LRRIQ1: variants seen among roughly 807,000 people sequenced by gnomAD.
LRRIQ1 encodes the protein leucine rich repeats and IQ motif containing 1.
LRRIQ1 carries 210 observed loss-of-function variants against 211.9 expected under a neutral mutation model. That is an observed-to-expected ratio of 0.99 (90% confidence interval 0.89 to 1.11). The LOEUF (loss-of-function observed/expected upper bound fraction) is 1.11. Ranked by LOEUF, LRRIQ1 falls within the 50% of genes most tolerant of loss-of-function variation. The probability of loss-of-function intolerance (pLI) is 0.00; values close to 1 mark genes in which losing one functional copy is unlikely to be tolerated. For synonymous variants in LRRIQ1, 699 were observed against 650.1 expected, an observed-to-expected ratio of 1.08 and a Z score of -1.14; for missense variants, 2,136 against 1,939.5, an observed-to-expected ratio of 1.10 and a Z score of -1.90.
chr12:85,139,466 G>T (rs1471952206), intron 19 of LRRIQ1, among the ~76,000 whole-genome samples: 1 of 151,422 alleles, frequency 6.6e-6, no homozygotes, highest in East Asian at 1.9e-4. Flanking sequence ...ACTGCAAGAG[G>T]TAAATATAGT....
At chr12:85,187,275 G>A (rs898316640) in intron 24 of LRRIQ1, among the ~76,000 whole-genome samples, 1 of 151,966 alleles carries the variant, frequency 6.6e-6, no homozygotes. Flanking sequence ...AAGATAATGT[G>A]GAATCATTTG....
intron 12 of LRRIQ1, 65 bp downstream of exon 12, chr12:85,098,613 A>G: frequency 1.5e-6 from 2 of 1,342,092 alleles, no homozygotes; most frequent in Admixed American, 2.2e-5. Context: ...AGAAATACCA[A>G]TCACATATTA....
intron 24 of LRRIQ1, among the ~76,000 whole-genome samples, chr12:85,226,863 C>T (rs968116534): frequency 6.6e-6 from 1 of 151,946 alleles, no homozygotes; most frequent in Middle Eastern, 3.4e-3. Flanking sequence ...TGAACTCATC[C>T]TTTTTTATGG....
chr12:85,232,253 CTAGTTT>C (rs1894978855), intron 25 of LRRIQ1, among the ~76,000 whole-genome samples: 1 of 151,870 alleles, frequency 6.6e-6, no homozygotes, highest in Non-Finnish European at 1.5e-5. Flanking sequence ...TATCATTGTT[CTAGTTT>C]TAAACAGAAT....
At chr12:85,143,117 CAT>C (rs1339413734) in intron 19 of LRRIQ1, among the ~76,000 whole-genome samples, 1 of 151,608 alleles carries the variant, frequency 6.6e-6, no homozygotes, top group African/African-American at 2.4e-5. Flanking sequence ...CTTACCAGCA[CAT>C]GTTATCTTTT....
chr12:85,198,031 AAC>A (rs1262396389), intron 24 of LRRIQ1, among the ~76,000 whole-genome samples: 2 of 73,110 alleles, frequency 2.7e-5, no homozygotes, highest in Non-Finnish European at 4.3e-5. Context: ...TATTATATAT[AAC>A]ATATATAATA....
At chr12:85,121,300 C>T (rs1328504987) in intron 15 of LRRIQ1, among the ~76,000 whole-genome samples, 1 of 152,028 alleles carries the variant, frequency 6.6e-6, no homozygotes, top group African/African-American at 2.4e-5. Flanking sequence ...CAGAATATAC[C>T]TCTATTTCTG....
chr12:85,148,038 C>T (rs1232088139), intron 19 of LRRIQ1, among the ~76,000 whole-genome samples: 1 of 151,746 alleles, frequency 6.6e-6, no homozygotes, highest in African/African-American at 2.4e-5. Flanking sequence ...ACAAATCTAT[C>T]CAAGTTCAAC....
intron 24 of LRRIQ1, among the ~76,000 whole-genome samples, chr12:85,222,203 G>A (rs1161569807): frequency 6.6e-6 from 1 of 152,078 alleles, no homozygotes; most frequent in Non-Finnish European, 1.5e-5. Context: ...TATATGTGAG[G>A]GGTCTTTGAA....
chr12:85,193,778 A>T (rs1408603571), intron 24 of LRRIQ1, among the ~76,000 whole-genome samples: 1 of 149,690 alleles, frequency 6.7e-6, no homozygotes, highest in Admixed American at 6.7e-5. Flanking sequence ...CGAGCAAAAT[A>T]ACCAGCTAAC....
chr12:85,223,061 C>T (rs1247818306), intron 24 of LRRIQ1, among the ~76,000 whole-genome samples: 1 of 151,916 alleles, frequency 6.6e-6, no homozygotes. Context: ...CTTCGGAATC[C>T]AGGAGGAAAA....
chr12:85,126,359 G>C (rs1888371581), intron 17 of LRRIQ1, among the ~76,000 whole-genome samples: 1 of 151,050 alleles, frequency 6.6e-6, no homozygotes, highest in Non-Finnish European at 1.5e-5. Context: ...TCTCAGGTTT[G>C]ATGTGTTTTC....
chr12:85,209,938 T>C (rs912841898), intron 24 of LRRIQ1, among the ~76,000 whole-genome samples: 1 of 152,168 alleles, frequency 6.6e-6, no homozygotes, highest in African/African-American at 2.4e-5. Context: ...CAAGAAGCCA[T>C]ATTTTTCCAT....
At chr12:85,175,594 G>T (rs1205763686) in intron 24 of LRRIQ1, among the ~76,000 whole-genome samples, 6 of 152,120 alleles carry the variant, frequency 3.9e-5, no homozygotes, top group African/African-American at 7.2e-5. Flanking sequence ...CCTATGTCCT[G>T]AATGGTAATG....
intron 25 of LRRIQ1, 70 bp from the exon 26 acceptor site, chr12:85,232,626 T>C: frequency 1.6e-6 from 2 of 1,237,666 alleles, no homozygotes; most frequent in Non-Finnish European, 1.2e-6. Flanking sequence ...GCTTTTTAGT[T>C]GGACGTTTCT....
intron 24 of LRRIQ1, among the ~76,000 whole-genome samples, chr12:85,207,173 G>A (rs1893602187): frequency 6.6e-6 from 1 of 152,062 alleles, no homozygotes; most frequent in South Asian, 2.1e-4. Flanking sequence ...GGGGAGCCTG[G>A]AATAAATCCC....
At chr12:85,146,358 A>G (rs1390757854) in intron 19 of LRRIQ1, among the ~76,000 whole-genome samples, 1 of 151,746 alleles carries the variant, frequency 6.6e-6, no homozygotes, top group African/African-American at 2.4e-5. Context: ...TTCACAAGGG[A>G]AGTACAACAT....
rs1890340287 is a variant in LRRIQ1 at position 85,153,101 on chromosome 12, CAAAG to C, written c.4501_4504del (p.Glu1501IlefsTer33). The C allele has an allele frequency of 1.3e-6, 2 of 1,588,498 alleles. No individual in the cohort carries two copies. Among genetic ancestry groups the C allele is most frequent in the Admixed American group, 1.7e-5 (1 of 57,184 alleles). ...CAGCTCAAGCATGGTTATGTAATGACAAAGAAAATTTGTCTTCTTCAGAACACAC... is the reference window on the plus strand; with the variant it reads ...CAGCTCAAGCATGGTTATGTAATGACAAAATTTGTCTTCTTCAGAACACAC... On this transcript the variant is annotated frameshift_variant, in exon 21 of 27. Transcript: ENST00000393217. LOFTEE classifies it high-confidence loss of function.
chr12:85,063,579 A>T (rs1383553151), intron 8 of LRRIQ1, among the ~76,000 whole-genome samples: 2 of 151,640 alleles, frequency 1.3e-5, no homozygotes. Context: ...AAAATGTACA[A>T]TAAATTATTA....
Sources: allele counts gnomAD v4.1 joint callset (sites outside exome capture counted in the v4.1 genomes callset), GRCh38; gene constraint gnomAD v4.1.1; transcripts MANE v1.5; gene names NCBI Gene and HGNC (gene_info 2026-07-23, HGNC 2026-07-21).